The following ZNF845 variants were observed in gnomAD, a reference collection of about 807,000 sequenced individuals.
The protein encoded by ZNF845 is zinc finger protein 845.
Under a neutral mutation model 76.1 loss-of-function variants are expected in ZNF845, and 59 were observed. The observed-to-expected ratio is 0.78, with a 90% confidence interval of 0.63 to 0.96. ZNF845 has a LOEUF of 0.96. Ranked by LOEUF, ZNF845 falls within the 40% of genes least tolerant of loss-of-function variation. ZNF845 has a pLI of 0.00. For synonymous variants in ZNF845, 361 were observed against 386.9 expected (o/e 0.93, Z 0.78); for missense variants, 1,045 against 1,172.8 (o/e 0.89, Z 1.59).
chr19:53,353,071 G>T lies in ZNF845; in HGVS notation c.2396G>T (p.Gly799Val), dbSNP rs2085355424. 9 of 1,599,570 alleles carry T rather than the reference G, an allele frequency of 5.6e-6. No homozygotes were observed. The highest frequency in any genetic ancestry group is 7.7e-6 in the Non-Finnish European group (9 of 1,167,472). Residue 799 changes from glycine (G) to valine (V), a missense_variant, in exon 4 of 4, where the codon GGA becomes GTA. Coordinates refer to ENST00000458035, the MANE Select transcript of ZNF845 (RefSeq NM_138374.3). ...HLAQHTRIHT[G>V]EKPYKCNECG... ...GCACAACATACTAGAATTCACACTG[G>T]AGAGAAACCTTACAAGTGTAATGAA...
intron 2 of ZNF845, among the ~76,000 whole-genome samples, chr19:53,344,934 C>G (rs941067215): frequency 6.6e-6 from 1 of 152,062 alleles, no homozygotes; most frequent in Non-Finnish European, 1.5e-5. Context: ...GCACTGTGCC[C>G]GGCTCCTGCA....
At chr19:53,340,919 G>A (rs1011661579) in intron 1 of ZNF845, 1 of 392,898 alleles carries the variant, frequency 2.5e-6, no homozygotes, top group Non-Finnish European at 4.5e-6. Flanking sequence ...TGGCCCCTCA[G>A]CTGCAGGTGC....
In ZNF845 at chr19:53,342,639, C is replaced by T. The variant is rs911117590; in HGVS notation, c.15+1317C>T. ...ATCTCGCGCGTCTGTATTTCTGCAT[C>T]GTTACGAGACTTTAGAAAAAATTCT... On this transcript the variant is annotated intron_variant, in intron 2 of 3. Transcript: ENST00000458035. Among the ~76,000 whole-genome samples, 9 of 151,910 alleles carry T rather than the reference C, an allele frequency of 5.9e-5. No individual in the cohort carries two copies. The East Asian group carries it at 1.4e-3, about 23-fold the overall frequency.
In ZNF845 at chr19:53,353,424, T is replaced by G; in HGVS notation, c.2749T>G (p.Cys917Gly). The G allele has an allele frequency of 6.2e-7, 1 of 1,613,862 alleles. No homozygotes were observed. The highest frequency in any genetic ancestry group is 1.1e-5 in the South Asian group (1 of 91,056). Residue 917 changes from cysteine to glycine, a missense_variant, in exon 4 of 4, where the codon TGT becomes GGT. Cys to Gly is a radical substitution (Grantham distance 159, BLOSUM62 -3). Transcript: ENST00000458035. ...RIHTGEKPYK[C>G]NECGKTFRHN... ...TCATACTGGAGAGAAACCTTACAAG[T>G]GTAATGAGTGTGGCAAAACCTTCCG...
At chr19:53,338,480 G>A (rs1340629711) in intron 1 of ZNF845, among the ~76,000 whole-genome samples, 2 of 152,070 alleles carry the variant, frequency 1.3e-5, no homozygotes, top group Non-Finnish European at 2.9e-5. Context: ...GAAGGGTGGG[G>A]AGAAGGTCAG....
chr19:53,335,422 G>T (rs78648683), intron 1 of ZNF845, among the ~76,000 whole-genome samples: 5,838 of 151,520 alleles, frequency 0.039, 235 homozygotes, highest in East Asian at 0.12. Flanking sequence ...CACCAAGTCC[G>T]GCTAGGTTTT....
At position 53,353,843 on chromosome 19, in the gene ZNF845, T is replaced by G; in HGVS notation, c.*255T>G. 1.5e-6 allele frequency: 2 copies of G among 1,363,908 alleles called. No homozygotes were observed. Among genetic ancestry groups the G allele is most frequent in the Non-Finnish European group, 1.0e-6 (1 of 1,002,988 alleles). The allele number at this position is 1,363,908 out of a possible 1,614,324, so 84.5% of individuals were successfully genotyped here. On this transcript the variant is annotated 3_prime_UTR_variant, in exon 4 of 4. Coordinates refer to ENST00000458035, the MANE Select transcript of ZNF845 (RefSeq NM_138374.3). ...CCATGGTATAGGGAAACTTTACTAA[T>G]GTAATGATTATCACAAAGTCTTCAG...
chr19:53,354,246 G>T lies in ZNF845; in HGVS notation c.*658G>T. ...ACATCAGAAAATTCATTTTTGAGAT[G>T]ATTGTTCCAAATGCAATGAGTATAG... On this transcript the variant is annotated 3_prime_UTR_variant, in exon 4 of 4. Coordinates refer to ENST00000458035, the MANE Select transcript of ZNF845 (RefSeq NM_138374.3). 2.0e-6 allele frequency: 1 copy of T among 489,608 alleles called. No homozygotes were observed. Among genetic ancestry groups the T allele is most frequent in the South Asian group, 1.6e-5 (1 of 64,366 alleles). The allele number at this position is 489,608 out of a possible 1,614,324, so 30.3% of individuals were successfully genotyped here.
rs2085377159 is a variant in ZNF845 at position 53,355,259 on chromosome 19, T to C, written c.*1671T>C. 6.6e-6 allele frequency: 1 copy of C among 151,916 alleles called. No homozygotes were observed. 9.4% of individuals were successfully genotyped at this position (151,916 alleles called of 1,614,324 possible). On this transcript the variant is annotated 3_prime_UTR_variant, in exon 4 of 4. Transcript: ENST00000458035. ...CGTATCATCTACAAGGAAATAATTT[T>C]TTTTTTTGAGACAATGTCTCTCTCT... is the stretch of plus-strand genomic sequence containing the variant.
Position 53,353,610 on chromosome 19 carries a change from G to A in ZNF845, c.*22G>A. On this transcript the variant is annotated 3_prime_UTR_variant, in exon 4 of 4. Transcript: ENST00000458035. ...TTAGAAATATGAAGAATGTGACAAA[G>A]TTTACAGTTGTAAATCAAGTCTTGA... 6.4e-7 allele frequency: 1 copy of A among 1,551,178 alleles called. No homozygotes were observed. Among genetic ancestry groups the A allele is most frequent in the Non-Finnish European group, 8.7e-7 (1 of 1,148,418 alleles).
Position 53,353,404 on chromosome 19 carries a change from C to T in ZNF845, c.2729C>T (p.Thr910Ile). Residue 910 changes from threonine (T) to isoleucine (I), a missense_variant, in exon 4 of 4, where the codon ACT becomes ATT. Thr to Ile is a moderately conservative substitution (Grantham distance 89). Transcript: ENST00000458035. ...AHLACHHRIHTGEKPYKCNEC... is the reference protein window; with the variant it reads ...AHLACHHRIHIGEKPYKCNEC... Reference sequence around the variant, plus strand: ...CTTGCATGTCATCATAGAATTCATACTGGAGAGAAACCTTACAAGTGTAAT... The same window carrying T: ...CTTGCATGTCATCATAGAATTCATATTGGAGAGAAACCTTACAAGTGTAAT... 2 of 1,612,558 alleles carry T rather than the reference C, an allele frequency of 1.2e-6. No homozygotes were observed. Among genetic ancestry groups the T allele is most frequent in the Non-Finnish European group, 8.5e-7 (1 of 1,179,646 alleles).
chr19:53,341,195 G>A (rs1196125620), intron 1 of ZNF845, 40 bp from the exon 2 acceptor site: 14 of 1,489,868 alleles, frequency 9.4e-6, no homozygotes, highest in Non-Finnish European at 1.3e-5. Flanking sequence ...GAGGGGGTGT[G>A]TTGATTCTGA....
chr19:53,353,709 C>T lies in ZNF845; in HGVS notation c.*121C>T. 1 of 1,523,026 alleles carries T rather than the reference C, an allele frequency of 6.6e-7. No individual in the cohort carries two copies. Among genetic ancestry groups the T allele is most frequent in the Non-Finnish European group, 8.8e-7 (1 of 1,138,254 alleles). The allele number at this position is 1,523,026 out of a possible 1,614,324, so 94.3% of individuals were successfully genotyped here. On this transcript the variant is annotated 3_prime_UTR_variant, in exon 4 of 4. Transcript: ENST00000458035. ...TGTGACAAGAATCTTGGGCGTGATT[C>T]ACACCTGGCCCAACAAACTAGAAGT... is the stretch of plus-strand genomic sequence containing the variant.
At position 53,341,638 on chromosome 19, in the gene ZNF845, C is replaced by T. The variant is rs968938254; in HGVS notation, c.15+316C>T. 2.4e-4 allele frequency among the ~76,000 whole-genome samples: 37 copies of T among 151,986 alleles called. 1 individual carries two copies. The highest frequency in any genetic ancestry group is 2.5e-4 in the Non-Finnish European group (17 of 68,018). On this transcript the variant is annotated intron_variant, in intron 2 of 3. Transcript: ENST00000458035. Reference sequence around the variant, plus strand: ...ATTGTTCAGGGGCCACATCTGGATGCACTGTCAGCTCTCTGTGAACCAGGA... The same window carrying T: ...ATTGTTCAGGGGCCACATCTGGATGTACTGTCAGCTCTCTGTGAACCAGGA...
intron 1 of ZNF845, among the ~76,000 whole-genome samples, chr19:53,337,419 G>A (rs1475325216): frequency 1.3e-5 from 2 of 151,874 alleles, no homozygotes; most frequent in African/African-American, 2.4e-5. Flanking sequence ...TCACTCTACC[G>A]TCCAGGCTGT....
At chr19:53,345,710 T>A (rs1291776103) in intron 3 of ZNF845, 78 bp downstream of exon 3, 1 of 1,594,622 alleles carries the variant, frequency 6.3e-7, no homozygotes, top group Non-Finnish European at 8.5e-7. Flanking sequence ...AGATACAATG[T>A]CTTGCTCTGT....
At chr19:53,334,593 G>A (rs1599963441) in intron 1 of ZNF845, among the ~76,000 whole-genome samples, 1 of 152,092 alleles carries the variant, frequency 6.6e-6, no homozygotes, top group African/African-American at 2.4e-5. Flanking sequence ...GAATTAGGGA[G>A]GGAAGCACAG....
intron 3 of ZNF845, among the ~76,000 whole-genome samples, chr19:53,349,441 T>A (rs570012130): frequency 2.6e-5 from 4 of 151,760 alleles, no homozygotes; most frequent in South Asian, 2.1e-4. Flanking sequence ...ATTTTTTTTT[T>A]TTATTTTTAG....
chr19:53,337,697 T>A (rs2085225468), intron 1 of ZNF845, among the ~76,000 whole-genome samples: 1 of 152,246 alleles, frequency 6.6e-6, no homozygotes, highest in African/African-American at 2.4e-5. Flanking sequence ...GCCTCCTGAG[T>A]AGCTGGGATT....
Sources: gnomAD v4.1 joint callset for allele counts (sites outside exome capture counted in the v4.1 genomes callset) on GRCh38, gnomAD v4.1.1 for gene constraint, MANE v1.5 for transcripts, NCBI Gene and HGNC (gene_info 2026-07-23, HGNC 2026-07-21) for gene names.